Variants in BCAR3 observed in about 807,000 individuals in gnomAD.
BCAR3 encodes BCAR3 adaptor protein, NSP family member.
Under a neutral mutation model 80.1 loss-of-function variants are expected in BCAR3, and 37 were observed. The observed-to-expected ratio is 0.46, with a 90% confidence interval of 0.36 to 0.61. BCAR3 has a LOEUF of 0.61. Ranked by LOEUF, BCAR3 falls within the 20% of genes least tolerant of loss-of-function variation. BCAR3 has a pLI of 0.00. For missense variants in BCAR3, 978 were observed against 1,068.2 expected, an observed-to-expected ratio of 0.92 and a Z score of 1.18; for synonymous variants, 389 against 418.9, an observed-to-expected ratio of 0.93 and a Z score of 0.87.
At chr1:93,811,029 A>G (rs764614418) in intron 2 of BCAR3, among the ~76,000 whole-genome samples, 5 of 152,216 alleles carry the variant, frequency 3.3e-5, no homozygotes, top group Non-Finnish European at 5.9e-5. Flanking sequence ...GGTTACAGGT[A>G]ACAGAATCCC....
intron 2 of BCAR3, among the ~76,000 whole-genome samples, chr1:93,844,940 AG>A (rs1261927631): frequency 1.3e-5 from 2 of 152,144 alleles, no homozygotes; most frequent in Non-Finnish European, 2.9e-5. Flanking sequence ...GCACAGGGAA[AG>A]CCTGGCTTTC....
intron 2 of BCAR3, among the ~76,000 whole-genome samples, chr1:93,659,525 A>T (rs1303169000): frequency 1.3e-5 from 2 of 151,948 alleles, no homozygotes; most frequent in African/African-American, 4.8e-5. Flanking sequence ...AAGATTTTGC[A>T]TCTACTGGAC....
intron 2 of BCAR3, among the ~76,000 whole-genome samples, chr1:93,758,285 TG>T (rs1183921553): frequency 6.6e-6 from 1 of 152,238 alleles, no homozygotes; most frequent in Non-Finnish European, 1.5e-5. Flanking sequence ...GTCAACGCCT[TG>T]GCCTGATCCA....
intron 2 of BCAR3, chr1:93,845,469 T>G (rs886986297): frequency 0.03 from 49 of 1,640 alleles, 1 homozygote; most frequent in Non-Finnish European, 0.011. Flanking sequence ...ATTTTATATA[T>G]ATATATATAT....
chr1:93,789,052 G>A (rs971060194), intron 2 of BCAR3, among the ~76,000 whole-genome samples: 9 of 151,952 alleles, frequency 5.9e-5, no homozygotes, highest in African/African-American at 1.2e-4. Flanking sequence ...CTAGAGTGGA[G>A]TGGTGCGATC....
At chr1:93,765,954 C>T (rs1166105110) in intron 2 of BCAR3, among the ~76,000 whole-genome samples, 3 of 152,136 alleles carry the variant, frequency 2.0e-5, no homozygotes, top group Non-Finnish European at 2.9e-5. Context: ...CATAAGCCAC[C>T]GCTCCTGGCC....
chr1:93,840,770 A>C (rs1654931917), intron 2 of BCAR3, among the ~76,000 whole-genome samples: 1 of 152,226 alleles, frequency 6.6e-6, no homozygotes, highest in Non-Finnish European at 1.5e-5. Flanking sequence ...CAAAACAGTT[A>C]GAAAGCACGG....
chr1:93,673,129 G>A (rs565305660), intron 2 of BCAR3, among the ~76,000 whole-genome samples: 8 of 152,198 alleles, frequency 5.3e-5, no homozygotes, highest in South Asian at 2.1e-4. Flanking sequence ...TACCAAAAAC[G>A]TACCACCTCC....
At chr1:93,717,858 T>G (rs543975551) in intron 2 of BCAR3, among the ~76,000 whole-genome samples, 1 of 151,948 alleles carries the variant, frequency 6.6e-6, no homozygotes, top group East Asian at 1.9e-4. Context: ...AGTCTGAGAG[T>G]GTGGCCTGCG....
At chr1:93,779,372 A>G (rs1444444044) in intron 2 of BCAR3, among the ~76,000 whole-genome samples, 3 of 152,200 alleles carry the variant, frequency 2.0e-5, no homozygotes, top group Admixed American at 6.5e-5. Context: ...GTAGAGAACA[A>G]AAGGAAACTC....
intron 2 of BCAR3, among the ~76,000 whole-genome samples, chr1:93,714,443 A>C (rs1650129698): frequency 1.3e-5 from 2 of 152,150 alleles, no homozygotes; most frequent in South Asian, 4.1e-4. Flanking sequence ...GAGTTTATTA[A>C]ATATTCCCTG....
intron 7 of BCAR3, among the ~76,000 whole-genome samples, chr1:93,577,483 G>A (rs1673504320): frequency 6.6e-6 from 1 of 152,124 alleles, no homozygotes; most frequent in Admixed American, 6.5e-5. Flanking sequence ...GCTCCTACCT[G>A]TGCTCTCTGG....
chr1:93,659,298 ACT>A (rs1647538705), intron 2 of BCAR3, among the ~76,000 whole-genome samples: 1 of 151,938 alleles, frequency 6.6e-6, no homozygotes, highest in African/African-American at 2.4e-5. Flanking sequence ...AATCCTCCTG[ACT>A]CAGCCTCCTG....
chr1:93,669,062 C>T (rs1231563008), intron 2 of BCAR3, among the ~76,000 whole-genome samples: 5 of 151,894 alleles, frequency 3.3e-5, no homozygotes, highest in Non-Finnish European at 5.9e-5. Flanking sequence ...CCAAAAAGTA[C>T]ACAAAAAGCT....
chr1:93,729,200 T>A (rs376457409), intron 2 of BCAR3, among the ~76,000 whole-genome samples: 33 of 152,334 alleles, frequency 2.2e-4, no homozygotes, highest in African/African-American at 7.9e-4. Context: ...CCTATAAACC[T>A]ACTGTGAGTT....
At chr1:93,809,939 G>A (rs539997575) in intron 2 of BCAR3, among the ~76,000 whole-genome samples, 1 of 151,960 alleles carries the variant, frequency 6.6e-6, no homozygotes, top group Non-Finnish European at 1.5e-5. Context: ...GGTGGCTCAC[G>A]CCTGTAATCC....
intron 8 of BCAR3, among the ~76,000 whole-genome samples, 194 bp from the exon 9 acceptor site, chr1:93,572,035 T>C (rs1193255202): frequency 6.6e-6 from 1 of 152,202 alleles, no homozygotes; most frequent in Non-Finnish European, 1.5e-5. Context: ...AGGGCCAAAG[T>C]AGGCCACAGA....
intron 2 of BCAR3, among the ~76,000 whole-genome samples, chr1:93,714,619 C>G (rs1421771491): frequency 6.6e-6 from 1 of 152,114 alleles, no homozygotes; most frequent in East Asian, 1.9e-4. Flanking sequence ...CATCAAATCC[C>G]TCTTGGCTTT....
intron 3 of BCAR3, among the ~76,000 whole-genome samples, chr1:93,601,187 T>C (rs1674611202): frequency 6.6e-6 from 1 of 152,194 alleles, no homozygotes; most frequent in African/African-American, 2.4e-5. Context: ...CAATGTGGAA[T>C]TTGAACCCTC....
Sources: gnomAD v4.1 joint callset for allele counts (sites outside exome capture counted in the v4.1 genomes callset) on GRCh38, gnomAD v4.1.1 for gene constraint, MANE v1.5 for transcripts, NCBI Gene and HGNC (gene_info 2026-07-23, HGNC 2026-07-21) for gene names.